UGT2A3: variants seen among roughly 807,000 people sequenced by gnomAD.
UGT2A3 encodes the protein UDP-glucuronosyltransferase 2A3.
In UGT2A3, 55 loss-of-function variants were observed where a neutral mutation model predicts 44.1. The ratio of observed to expected loss-of-function variants is 1.25; its 90% CI spans 1.00 to 1.56. The LOEUF is 1.56. Among genes scored for constraint, UGT2A3 ranks in the 40% most tolerant of loss-of-function variants. UGT2A3 has a pLI of 0.00. For synonymous variants in UGT2A3, 243 were observed against 215.1 expected, an observed-to-expected ratio of 1.13 and a Z score of -1.13; for missense variants, 733 against 621.6, an observed-to-expected ratio of 1.18 and a Z score of -1.91.
chr4:68,937,626 A>G (rs1718002730), intron 2 of UGT2A3, among the ~76,000 whole-genome samples: 1 of 152,138 alleles, frequency 6.6e-6, no homozygotes, highest in Non-Finnish European at 1.5e-5. Context: ...TCTAAAATCG[A>G]CACCCTAACA....
At chr4:68,950,518 A>C (rs1329213477) in intron 1 of UGT2A3, among the ~76,000 whole-genome samples, 2 of 152,018 alleles carry the variant, frequency 1.3e-5, no homozygotes, top group East Asian at 2.0e-4. Flanking sequence ...TATATCAGTA[A>C]AGTAAAAATT....
At position 68,951,359 on chromosome 4, in the gene UGT2A3, A is replaced by T; in HGVS notation, c.402T>A (p.Leu134=). The change falls in exon 1 of 6, where the codon CTT becomes CTA. Residue 134 remains leucine (L), a synonymous_variant. Coordinates refer to ENST00000251566, the MANE Select transcript of UGT2A3 (RefSeq NM_024743.4). ...AGTTGGTTTCCTGTAGCTTCTTCAT[A>T]AGCGTCTGATTGTAGATAAAGCTCT... is the stretch of plus-strand genomic sequence containing the variant. The part of the protein sequence containing the change: ...MCESFIYNQT[L]MKKLQETNYD... 6.2e-7 allele frequency: 1 copy of T among 1,612,724 alleles called. No individual in the cohort carries two copies. Among genetic ancestry groups the T allele is most frequent in the Non-Finnish European group, 8.5e-7 (1 of 1,179,256 alleles).
rs530313905 is a variant in UGT2A3 at position 68,932,696 on chromosome 4, G to A, written c.928C>T (p.Leu310=). ...TTTTCTTCTGTAACATTTTGAAACA[G>A]TGACCCCAGAGAAAACACCACAATA... The part of the protein sequence containing the change: ...DGIVVFSLGS[L]FQNVTEEKAN... Residue 310 remains leucine, a synonymous_variant, in exon 3 of 6, where the codon CTG becomes TTG. Transcript: ENST00000251566. 3.1e-6 allele frequency: 5 copies of A among 1,611,928 alleles called. No individual in the cohort carries two copies. The East Asian group carries it at 6.7e-5, about 22-fold the overall frequency.
chr4:68,947,320 T>A (rs905067827), intron 1 of UGT2A3, among the ~76,000 whole-genome samples: 1 of 151,830 alleles, frequency 6.6e-6, no homozygotes, highest in African/African-American at 2.4e-5. Flanking sequence ...TCTGTGTTCA[T>A]CTATAAAAAG....
intron 1 of UGT2A3, 34 bp downstream of exon 1, chr4:68,951,012 T>A: frequency 7.2e-7 from 1 of 1,393,786 alleles, no homozygotes; most frequent in Non-Finnish European, 9.6e-7. Context: ...TTTCTTTTGA[T>A]AACTAAATTA....
chr4:68,943,292 A>G, intron 2 of UGT2A3: 1 of 1,264,626 alleles, frequency 7.9e-7, no homozygotes, highest in Non-Finnish European at 1.0e-6. Flanking sequence ...CTAGAGAATG[A>G]TGGAAATTGT....
intron 2 of UGT2A3, among the ~76,000 whole-genome samples, chr4:68,941,844 A>G (rs909970175): frequency 2.6e-5 from 4 of 151,952 alleles, no homozygotes; most frequent in African/African-American, 9.7e-5. Flanking sequence ...GACACTTCTC[A>G]AAAGAAGACT....
chr4:68,949,011 A>G (rs1718484457), intron 1 of UGT2A3, among the ~76,000 whole-genome samples: 1 of 151,792 alleles, frequency 6.6e-6, no homozygotes. Flanking sequence ...AAGAGAAAGA[A>G]GGTGGATGTT....
intron 3 of UGT2A3, among the ~76,000 whole-genome samples, chr4:68,932,279 T>C (rs1038034568): frequency 6.6e-6 from 1 of 152,024 alleles, no homozygotes; most frequent in African/African-American, 2.4e-5. Context: ...GATTCTTCTT[T>C]TTTTTTTTAT....
At chr4:68,933,052 A>G (rs1210208870) in intron 2 of UGT2A3, among the ~76,000 whole-genome samples, 2 of 152,044 alleles carry the variant, frequency 1.3e-5, no homozygotes, top group Non-Finnish European at 2.9e-5. Context: ...GTAGACACAA[A>G]ATCCTAAAAC....
Position 68,930,569 on chromosome 4 carries a change from C to G in UGT2A3, c.1281G>C (p.Leu427Phe), listed in dbSNP as rs567221337. 6.2e-7 allele frequency: 1 copy of G among 1,611,890 alleles called. No individual in the cohort carries two copies. The highest frequency in any genetic ancestry group is 1.7e-5 in the Admixed American group (1 of 59,922). ...ACGAGGAATCGGTAATGACTGTTCTCAAAGCCCTCAGTAAATCTTCGCTTG... is the reference window on the plus strand; with the variant it reads ...ACGAGGAATCGGTAATGACTGTTCTGAAAGCCCTCAGTAAATCTTCGCTTG... Reference protein sequence around the residue: ...TMTSEDLLRALRTVITDSSYK... With the variant: ...TMTSEDLLRAFRTVITDSSYK... Residue 427 changes from leucine to phenylalanine, a missense_variant, in exon 5 of 6, where the codon TTG (leucine) becomes TTC (phenylalanine). Coordinates refer to ENST00000251566, the MANE Select transcript of UGT2A3 (RefSeq NM_024743.4).
rs553449847 is a variant in UGT2A3 at position 68,951,708 on chromosome 4, A to G, written c.53T>C (p.Val18Ala). 5.6e-6 allele frequency: 9 copies of G among 1,609,404 alleles called. No individual in the cohort carries two copies. In the East Asian group the frequency reaches 1.6e-4, roughly 28 times the overall value. ...LVFLLLQLFCVGCGFCGKVLV... is the reference protein window; with the variant it reads ...LVFLLLQLFCAGCGFCGKVLV... ...GACTTTCCCACAGAATCCACAGCCA[A>G]CACAGAAGAGCTGCAGGAGCAGAAA... is the stretch of plus-strand genomic sequence containing the variant. Residue 18 changes from valine (V) to alanine (A), a missense_variant, in exon 1 of 6, where the codon GTT (valine) becomes GCT (alanine). Coordinates refer to ENST00000251566, the MANE Select transcript of UGT2A3 (RefSeq NM_024743.4).
chr4:68,931,017 C>A, intron 4 of UGT2A3, 138 bp downstream of exon 4: 1 of 772,172 alleles, frequency 1.3e-6, no homozygotes, highest in Non-Finnish European at 2.0e-6. Flanking sequence ...TTTAGTCAAT[C>A]CTTTAATTAT....
intron 2 of UGT2A3, chr4:68,943,342 A>G (rs1370639539): frequency 7.9e-7 from 1 of 1,271,656 alleles, no homozygotes; most frequent in South Asian, 1.3e-5. Flanking sequence ...TACAGATGCC[A>G]TGGCTTAAGA....
At chr4:68,946,929 AG>A (rs1343269016) in intron 1 of UGT2A3, among the ~76,000 whole-genome samples, 13 of 151,736 alleles carry the variant, frequency 8.6e-5, no homozygotes, top group Admixed American at 8.6e-4. Flanking sequence ...CTTAGTTAAA[AG>A]TATGGCTAAA....
chr4:68,950,800 C>T (rs896703159), intron 1 of UGT2A3, among the ~76,000 whole-genome samples: 7 of 151,672 alleles, frequency 4.6e-5, no homozygotes, highest in Admixed American at 2.6e-4. Flanking sequence ...TGTTGATTTG[C>T]GCTATTTGGA....
intron 2 of UGT2A3, among the ~76,000 whole-genome samples, chr4:68,944,085 A>G (rs545631959): frequency 6.6e-6 from 1 of 151,936 alleles, no homozygotes; most frequent in East Asian, 2.0e-4. Flanking sequence ...GAAATGGTCA[A>G]AGAAGACTGT....
chr4:68,931,273 T>C (rs1297281486), intron 3 of UGT2A3, 31 bp from the exon 4 acceptor site: 1 of 1,527,904 alleles, frequency 6.5e-7, no homozygotes, highest in African/African-American at 1.4e-5. Flanking sequence ...TTTCACAGAG[T>C]GAACCACAGG....
intron 2 of UGT2A3, among the ~76,000 whole-genome samples, chr4:68,941,222 G>A (rs996963515): frequency 6.6e-6 from 1 of 151,654 alleles, no homozygotes; most frequent in African/African-American, 2.4e-5. Flanking sequence ...CAGAGGCCAA[G>A]CAGAAGTCAG....
Sources: allele counts gnomAD v4.1 joint callset (sites outside exome capture counted in the v4.1 genomes callset), GRCh38; gene constraint gnomAD v4.1.1; transcripts MANE v1.5; gene names NCBI Gene and HGNC (gene_info 2026-07-23, HGNC 2026-07-21).